KCNIP2: variants seen among roughly 807,000 people sequenced by gnomAD.
KCNIP2 encodes A-type potassium channel modulatory protein KCNIP2.
Under a neutral mutation model 39.0 loss-of-function variants are expected in KCNIP2, and 19 were observed. The observed-to-expected ratio is 0.49, with a 90% CI of 0.34 to 0.71. KCNIP2 has a LOEUF of 0.71. Among genes scored for constraint, KCNIP2 ranks in the 30% least tolerant of loss-of-function variants. The pLI is 0.01. For missense variants in KCNIP2, 261 were observed against 346.0 expected, an observed-to-expected ratio of 0.75 and a Z score of 1.95; for synonymous variants, 111 against 131.2, an observed-to-expected ratio of 0.85 and a Z score of 1.05.
At chr10:101,839,514 G>A (rs1448900110) in intron 1 of KCNIP2, among the ~76,000 whole-genome samples, 1 of 152,032 alleles carries the variant, frequency 6.6e-6, no homozygotes, top group African/African-American at 2.4e-5. Context: ...CATTGTGAGG[G>A]ACCTTGATGC....
chr10:101,835,442 A>G (rs531109648), intron 1 of KCNIP2, among the ~76,000 whole-genome samples: 1 of 152,218 alleles, frequency 6.6e-6, no homozygotes, highest in East Asian at 1.9e-4. Context: ...CAAGAAACCC[A>G]AGCTTCTTGG....
In KCNIP2 at chr10:101,843,487, C is replaced by T; in HGVS notation, c.73+9G>A. On this transcript the variant is annotated intron_variant, in intron 1 of 9. Coordinates refer to ENST00000356640, the MANE Select transcript of KCNIP2 (RefSeq NM_173191.3). The surrounding 1 kb of genome is among the most constrained non-coding windows in gnomAD (Gnocchi z 6.7). Reference sequence around the variant, plus strand: ...CCTCCCTCCCGCGACCCCCACGTCACTGACTCACCCGTGAGCTGGTCGTAG... The same window carrying T: ...CCTCCCTCCCGCGACCCCCACGTCATTGACTCACCCGTGAGCTGGTCGTAG... The T allele has an allele frequency of 6.4e-7, 1 of 1,551,170 alleles. No individual in the cohort carries two copies. Among genetic ancestry groups the T allele is most frequent in the South Asian group, 1.2e-5 (1 of 83,216 alleles).
rs1554843686 is a variant in KCNIP2, at chr10:101,840,058, G to GA, written c.73+3437_73+3438insT. Reference sequence around the variant, plus strand: ...GCAGCCGCCCCCAAAGTTCCTGGACGGGGGGGGGGGGTGGCGGGGAGGGGC... The same window carrying GA: ...GCAGCCGCCCCCAAAGTTCCTGGACGAGGGGGGGGGGGTGGCGGGGAGGGGC... On this transcript the variant is annotated intron_variant, in intron 1 of 9. Coordinates refer to ENST00000356640, the MANE Select transcript of KCNIP2 (RefSeq NM_173191.3). Among the ~76,000 whole-genome samples, 2 of 3,572 alleles carry GA rather than the reference G, an allele frequency of 5.6e-4. 1 individual carries two copies. Among genetic ancestry groups the GA allele is most frequent in the Admixed American group, 0.011 (2 of 184 alleles). 2.3% of individuals were successfully genotyped at this position (3,572 alleles called of 152,430 possible). A position where few individuals can be genotyped will look rare whatever the true frequency, so the allele number is the denominator to read the frequency against.
Position 101,828,386 on chromosome 10 carries a change from C to T in KCNIP2, c.489+3G>A, listed in dbSNP as rs41286892. The T allele has an allele frequency of 9.4e-4, 1,523 of 1,614,108 alleles. 1 individual carries two copies. The highest frequency in any genetic ancestry group is 1.3e-3 in the South Asian group (120 of 91,030). The stretch of plus-strand genomic sequence containing the variant: ...CTTCCCTGGCCCACCTCGCCCAGCT[C>T]ACCTCAAAACTGACCGAGCCATCAT... On this transcript the variant is annotated splice_donor_region_variant and intron_variant, in intron 6 of 9. Transcript: ENST00000356640. This position sits in a 1 kb window ranked among gnomAD's most constrained non-coding sequence, Gnocchi z 6.6.
In KCNIP2 at chr10:101,828,216, C is replaced by G. The variant is rs1326646168; in HGVS notation, c.532G>C (p.Asp178His). The change falls in exon 7 of 10, where the codon GAT (aspartate) becomes CAT (histidine). Residue 178 changes from aspartate to histidine, a missense_variant. Transcript: ENST00000356640. This position sits in a 1 kb window ranked among gnomAD's most constrained non-coding sequence, Gnocchi z 6.6. Reference protein sequence around the residue: ...GLSVILRGTVDDRLNWAFNLY... With the variant: ...GLSVILRGTVHDRLNWAFNLY... ...TTGAAGGCCCAATTAAGCCTGTCAT[C>G]TACAGTTCCCCGAAGAATCACGGAC... 1.2e-6 allele frequency: 2 copies of G among 1,614,034 alleles called. No individual in the cohort carries two copies. Among genetic ancestry groups the G allele is most frequent in the Non-Finnish European group, 1.7e-6 (2 of 1,180,048 alleles).
intron 1 of KCNIP2, among the ~76,000 whole-genome samples, chr10:101,841,121 A>G (rs1405983863): frequency 6.6e-6 from 1 of 152,074 alleles, no homozygotes; most frequent in Non-Finnish European, 1.5e-5. Flanking sequence ...TGTTTTCCTA[A>G]AGAGTCTCTC....
At position 101,843,603 on chromosome 10, in the gene KCNIP2, G is replaced by A. The variant is rs2135224337; in HGVS notation, c.-35C>T. ...CGCCCCGCTCCCGCCCGGGCCGTGG[G>A]AGGGGGCGCCGGGTGGCCGGGATAG... On this transcript the variant is annotated 5_prime_UTR_variant, in exon 1 of 10. Transcript: ENST00000356640. The surrounding 1 kb of genome is among the most constrained non-coding windows in gnomAD (Gnocchi z 6.7). 1 of 1,353,238 alleles carries A rather than the reference G, an allele frequency of 7.4e-7. No homozygotes were observed. Among genetic ancestry groups the A allele is most frequent in the Admixed American group, 3.3e-5 (1 of 30,736 alleles). The allele number at this position is 1,353,238 out of a possible 1,614,324, so 83.8% of individuals were successfully genotyped here.
chr10:101,837,563 G>A (rs2066201605), intron 1 of KCNIP2, among the ~76,000 whole-genome samples: 1 of 152,132 alleles, frequency 6.6e-6, no homozygotes, highest in Admixed American at 6.5e-5. Flanking sequence ...CAGCTACTCA[G>A]GAGGCTAAGG....
At chr10:101,830,889 C>T (rs2065966938) in intron 2 of KCNIP2, among the ~76,000 whole-genome samples, 183 bp downstream of exon 2, 1 of 149,256 alleles carries the variant, frequency 6.7e-6, no homozygotes, top group Non-Finnish European at 1.5e-5. Flanking sequence ...CACACACATA[C>T]ACACGCACAG....
chr10:101,830,230 G>A (rs2065918862), intron 2 of KCNIP2, among the ~76,000 whole-genome samples: 1 of 152,186 alleles, frequency 6.6e-6, no homozygotes, highest in Non-Finnish European at 1.5e-5. Context: ...TAGAGACAAA[G>A]CGAGGTCACT....
At chr10:101,841,799 G>A (rs2066346362) in intron 1 of KCNIP2, among the ~76,000 whole-genome samples, 6 of 152,204 alleles carry the variant, frequency 3.9e-5, no homozygotes, top group Admixed American at 1.3e-4. Flanking sequence ...TTCACTAAGG[G>A]TGAGAACCCA....
chr10:101,840,203 C>T (rs965221621), intron 1 of KCNIP2, among the ~76,000 whole-genome samples: 1 of 151,974 alleles, frequency 6.6e-6, no homozygotes, highest in Non-Finnish European at 1.5e-5. Context: ...TTTATTGCCC[C>T]CTTTCAGCCC....
chr10:101,843,359 G>C lies in KCNIP2; in HGVS notation c.73+137C>G, dbSNP rs2066388775. 2.0e-6 allele frequency: 1 copy of C among 490,912 alleles called. No individual in the cohort carries two copies. The highest frequency in any genetic ancestry group is 2.0e-5 in the African/African-American group (1 of 49,896). The allele number at this position is 490,912 out of a possible 1,614,324, so 30.4% of individuals were successfully genotyped here. A position where few individuals can be genotyped will look rare whatever the true frequency, so the allele number is the denominator to read the frequency against. ...CAAGGCTTTGAACCCCCAGTGTCCT[G>C]CCGCCCAGACCGGCCATAAGAGTGC... On this transcript the variant is annotated intron_variant, in intron 1 of 9. Transcript: ENST00000356640. This position sits in a 1 kb window ranked among gnomAD's most constrained non-coding sequence, Gnocchi z 6.7.
At chr10:101,842,657 C>T (rs1174842768) in intron 1 of KCNIP2, among the ~76,000 whole-genome samples, 1 of 152,180 alleles carries the variant, frequency 6.6e-6, no homozygotes, top group African/African-American at 2.4e-5. Context: ...GACTGGGCAG[C>T]TGAACACTAA....
At chr10:101,831,236 C>G in intron 1 of KCNIP2, 69 bp from the exon 2 acceptor site, 7 of 1,199,868 alleles carry the variant, frequency 5.8e-6, no homozygotes, top group Non-Finnish European at 8.2e-6. Flanking sequence ...GTCCCCTCCC[C>G]GCCAGTCACA....
At chr10:101,827,504 G>T in intron 9 of KCNIP2, 104 bp from the exon 10 acceptor site, 1 of 1,383,568 alleles carries the variant, frequency 7.2e-7, no homozygotes, top group Non-Finnish European at 1.0e-6. Context: ...ACATTCAAAA[G>T]CACAGAGGAA....
chr10:101,828,962 GC>G lies in KCNIP2; in HGVS notation c.348+112del. On this transcript the variant is annotated intron_variant, in intron 4 of 9. Transcript: ENST00000356640. This position sits in a 1 kb window ranked among gnomAD's most constrained non-coding sequence, Gnocchi z 6.6. Reference sequence around the variant, plus strand: ...GCTAGAAGTTCAGTCTCAGGGCCTTGCCTCCCTTCCGCCCACACCTCAAGCA... The same window carrying G: ...GCTAGAAGTTCAGTCTCAGGGCCTTGCTCCCTTCCGCCCACACCTCAAGCA... 5.9e-6 allele frequency: 9 copies of G among 1,527,654 alleles called. No homozygotes were observed. The highest frequency in any genetic ancestry group is 7.9e-6 in the Non-Finnish European group (9 of 1,133,730). 94.6% of individuals were successfully genotyped at this position (1,527,654 alleles called of 1,614,324 possible). A position where few individuals can be genotyped will look rare whatever the true frequency, so the allele number is the denominator to read the frequency against.
At position 101,826,679 on chromosome 10, in the gene KCNIP2, A is replaced by T. The variant is rs1162043432; in HGVS notation, c.*674T>A. ...ATGGATACCGAGGAGGGTGTGGAAA[A>T]TTTCTGGGGCATTTCTAAGGAGACA... On this transcript the variant is annotated 3_prime_UTR_variant, in exon 10 of 10. Coordinates refer to ENST00000356640, the MANE Select transcript of KCNIP2 (RefSeq NM_173191.3). The T allele has an allele frequency of 6.6e-6, 1 of 152,114 alleles. No homozygotes were observed. The highest frequency in any genetic ancestry group is 1.5e-5 in the Non-Finnish European group (1 of 68,022). The allele number at this position is 152,114 out of a possible 1,614,324, so 9.4% of individuals were successfully genotyped here. A position where few individuals can be genotyped will look rare whatever the true frequency, so the allele number is the denominator to read the frequency against.
At position 101,830,094 on chromosome 10, in the gene KCNIP2, C is replaced by A. The variant is rs563173392; in HGVS notation, c.170-197G>T. 5 of 686,916 alleles carry A rather than the reference C, an allele frequency of 7.3e-6. No homozygotes were observed. In the African/African-American group the frequency reaches 9.3e-5, roughly 13 times the overall value. The allele number at this position is 686,916 out of a possible 1,614,324, so 42.6% of individuals were successfully genotyped here. On this transcript the variant is annotated intron_variant, in intron 2 of 9. Transcript: ENST00000356640. ...GCCTGTCCTTTTCCGAATCCACCCC[C>A]GTGTGGGACCCATCTAAGTCCAACA...
Sources: allele counts gnomAD v4.1 joint callset (sites outside exome capture counted in the v4.1 genomes callset), GRCh38; gene constraint gnomAD v4.1.1; non-coding constraint Gnocchi (gnomAD v3.1); transcripts MANE v1.5; gene names NCBI Gene and HGNC (gene_info 2026-07-23, HGNC 2026-07-21).